The following NRXN1 variants were observed in gnomAD, a reference collection of about 807,000 sequenced individuals.
NRXN1 encodes neurexin-1.
Under a neutral mutation model 150.9 loss-of-function variants are expected in NRXN1, and 39 were observed. The ratio of observed to expected loss-of-function variants is 0.26; its 90% CI spans 0.20 to 0.34. The LOEUF is 0.34. Among genes scored for constraint, NRXN1 ranks in the 10% least tolerant of loss-of-function variants. The pLI is 1.00. For synonymous variants in NRXN1, 924 were observed against 757.0 expected (o/e 1.22, Z -3.62); for missense variants, 1,815 against 1,949.9 (o/e 0.93, Z 1.30).
intron 5 of NRXN1, among the ~76,000 whole-genome samples, chr2:50,736,040 C>T (rs888146196): frequency 6.6e-6 from 1 of 152,058 alleles, no homozygotes; most frequent in African/African-American, 2.4e-5. Context: ...AAAATAAAAA[C>T]AAACTCTTTA....
chr2:50,989,520 T>C (rs886287188), intron 2 of NRXN1, among the ~76,000 whole-genome samples: 2 of 151,966 alleles, frequency 1.3e-5, no homozygotes, highest in African/African-American at 2.4e-5. Context: ...AGTTTTGTGT[T>C]TTCCAGAATA....
intron 2 of NRXN1, among the ~76,000 whole-genome samples, chr2:50,951,988 A>G (rs1691441636): frequency 1.9e-5 from 1 of 51,960 alleles, no homozygotes; most frequent in African/African-American, 7.8e-5. Context: ...TTTTTTTGAG[A>G]CGGAGTCTCG....
intron 17 of NRXN1, among the ~76,000 whole-genome samples, chr2:50,451,348 T>C (rs1206347608): frequency 1.3e-5 from 2 of 152,234 alleles, no homozygotes; most frequent in African/African-American, 4.8e-5. Context: ...CCTGGTTATT[T>C]GAAATGCTCC....
chr2:50,181,268 A>T (rs2060695307), intron 18 of NRXN1, among the ~76,000 whole-genome samples: 2 of 152,076 alleles, frequency 1.3e-5, no homozygotes, highest in African/African-American at 4.8e-5. Flanking sequence ...ATTGCAATTA[A>T]TTGACAAATA....
At chr2:50,022,520 G>C (rs1687723287) in intron 21 of NRXN1, among the ~76,000 whole-genome samples, 1 of 152,084 alleles carries the variant, frequency 6.6e-6, no homozygotes, top group Non-Finnish European at 1.5e-5. Flanking sequence ...ATTTACAAAA[G>C]CAGGGGATTA....
At chr2:50,810,549 T>C (rs552575907) in intron 5 of NRXN1, among the ~76,000 whole-genome samples, 4 of 152,162 alleles carry the variant, frequency 2.6e-5, no homozygotes, top group Admixed American at 6.5e-5. Context: ...GCCTAGTAAG[T>C]AGCATTATTA....
At chr2:50,923,529 G>GAGC (rs1686404372) in intron 3 of NRXN1, 1 of 229,148 alleles carries the variant, frequency 4.4e-6, no homozygotes, top group Non-Finnish European at 9.4e-6. Context: ...TCAAACTGAA[G>GAGC]AGCACTTCTC....
intron 9 of NRXN1, among the ~76,000 whole-genome samples, chr2:50,538,914 A>G (rs566490120): frequency 6.6e-6 from 1 of 151,802 alleles, no homozygotes; most frequent in Non-Finnish European, 1.5e-5. Context: ...CAAACAGTTC[A>G]GTCAATGCAT....
In NRXN1 at chr2:50,791,237, G is replaced by C. The variant is rs537174173; in HGVS notation, c.832+130632C>G. 2.1e-5 allele frequency among the ~76,000 whole-genome samples: 3 copies of C among 145,338 alleles called. No homozygotes were observed. The East Asian group carries it at 6.2e-4, about 30-fold the overall frequency. ...AGTGAATGTAAATGCTTTACTAACA[G>C]TGGAATTGGAAATTGGATAAGTTCC... On this transcript the variant is annotated intron_variant, in intron 5 of 22. Transcript: ENST00000401669.
At position 50,829,507 on chromosome 2, in the gene NRXN1, A is replaced by G; in HGVS notation, c.832+92362T>C. The G allele has an allele frequency of 4.4e-6, 7 of 1,604,752 alleles. No individual in the cohort carries two copies. The East Asian group carries it at 1.1e-4, about 26-fold the overall frequency. On this transcript the variant is annotated intron_variant, in intron 5 of 22. Transcript: ENST00000401669. ...ATAATGAGAAAGGCGCGAATCAAAA[A>G]CAGCACAGTGGCAAGTGCGATGGCC...
intron 2 of NRXN1, among the ~76,000 whole-genome samples, chr2:51,002,400 C>T (rs573342908): frequency 6.6e-6 from 1 of 152,046 alleles, no homozygotes; most frequent in East Asian, 1.9e-4. Context: ...TCGTAGAAAA[C>T]AGAATCTTAT....
intron 18 of NRXN1, among the ~76,000 whole-genome samples, chr2:50,229,480 C>T (rs895089434): frequency 1.3e-5 from 2 of 151,960 alleles, no homozygotes; most frequent in African/African-American, 2.4e-5. Context: ...TAGAGTTCTG[C>T]AAAGCCTCCT....
intron 9 of NRXN1, among the ~76,000 whole-genome samples, chr2:50,551,576 A>T (rs1450952415): frequency 6.6e-6 from 1 of 152,114 alleles, no homozygotes; most frequent in Non-Finnish European, 1.5e-5. Flanking sequence ...CACTCAGCTT[A>T]GTTGGTTGGG....
chr2:50,361,362 C>T (rs1263443833), intron 17 of NRXN1, among the ~76,000 whole-genome samples: 2 of 152,044 alleles, frequency 1.3e-5, no homozygotes, highest in Non-Finnish European at 2.9e-5. Flanking sequence ...AGATAGACCA[C>T]TAGCCAGACT....
intron 17 of NRXN1, among the ~76,000 whole-genome samples, chr2:50,391,213 G>GAA (rs11409159): frequency 6.7e-6 from 1 of 150,348 alleles, no homozygotes; most frequent in African/African-American, 2.4e-5. Context: ...TTTGCAGAAA[G>GAA]AAAAAAAAGC....
intron 5 of NRXN1, among the ~76,000 whole-genome samples, chr2:50,764,465 G>A: frequency 6.6e-6 from 1 of 151,978 alleles, no homozygotes; most frequent in East Asian, 1.9e-4. Flanking sequence ...TACAGGGAAG[G>A]TGATAATGAG....
intron 21 of NRXN1, among the ~76,000 whole-genome samples, chr2:49,976,883 C>A (rs891225545): frequency 2.0e-5 from 3 of 152,212 alleles, no homozygotes; most frequent in African/African-American, 7.2e-5. Flanking sequence ...AAATTAACCT[C>A]TTCAAGCCTT....
chr2:50,847,182 G>C (rs1673782583), intron 5 of NRXN1, among the ~76,000 whole-genome samples: 2 of 152,120 alleles, frequency 1.3e-5, no homozygotes, highest in Admixed American at 6.5e-5. Context: ...AGAGACAAGG[G>C]AAGGAGAAGG....
intron 2 of NRXN1, among the ~76,000 whole-genome samples, chr2:50,983,396 T>C (rs1343002620): frequency 6.6e-6 from 1 of 152,112 alleles, no homozygotes; most frequent in Non-Finnish European, 1.5e-5. Flanking sequence ...CATCCCTATT[T>C]CAATGGACAC....
Sources: allele counts gnomAD v4.1 joint callset (sites outside exome capture counted in the v4.1 genomes callset), GRCh38; gene constraint gnomAD v4.1.1; transcripts MANE v1.5; gene names NCBI Gene and HGNC (gene_info 2026-07-23, HGNC 2026-07-21).